FAF1: variants seen among roughly 807,000 people sequenced by gnomAD.
FAF1 encodes the protein Fas associated factor 1.
FAF1 carries 25 observed loss-of-function variants against 92.5 expected under a neutral mutation model. The ratio of observed to expected loss-of-function variants is 0.27; its 90% CI spans 0.20 to 0.38. The LOEUF is 0.38. FAF1 is among the 10% of genes least tolerant of loss of function. FAF1 has a pLI of 1.00. For synonymous variants in FAF1, 234 were observed against 273.2 expected (o/e 0.86, Z 1.42); for missense variants, 636 against 793.3 (o/e 0.80, Z 2.38).
chr1:50,709,080 A>G (rs1254897345), intron 6 of FAF1, among the ~76,000 whole-genome samples: 1 of 152,224 alleles, frequency 6.6e-6, no homozygotes, highest in African/African-American at 2.4e-5. Context: ...TCAAAGGTAG[A>G]TCTATTGTAC....
At chr1:50,639,005 AC>A (rs1325735242) in intron 8 of FAF1, among the ~76,000 whole-genome samples, 1 of 152,090 alleles carries the variant, frequency 6.6e-6, no homozygotes, top group African/African-American at 2.4e-5. Flanking sequence ...CTCCTTGGCA[AC>A]CCACTGACTG....
At chr1:50,576,237 A>G (rs1263093992) in intron 12 of FAF1, among the ~76,000 whole-genome samples, 4 of 152,306 alleles carry the variant, frequency 2.6e-5, no homozygotes, top group African/African-American at 7.2e-5. Context: ...TAAAGTAAAT[A>G]CTATCATCAT....
intron 3 of FAF1, among the ~76,000 whole-genome samples, chr1:50,797,795 C>T (rs961145107): frequency 4.6e-5 from 7 of 152,124 alleles, no homozygotes; most frequent in African/African-American, 1.7e-4. Context: ...TGCTTGAGCT[C>T]AGGAGGAGTT....
At chr1:50,888,074 T>C (rs563862572) in intron 1 of FAF1, among the ~76,000 whole-genome samples, 1 of 152,358 alleles carries the variant, frequency 6.6e-6, no homozygotes, top group South Asian at 2.1e-4. Flanking sequence ...TTTGTAGTTC[T>C]CCTTGAAGAG....
chr1:50,866,030 C>T (rs1056877605), intron 1 of FAF1, among the ~76,000 whole-genome samples: 5 of 151,946 alleles, frequency 3.3e-5, no homozygotes, highest in African/African-American at 1.2e-4. Context: ...ACCAGGGATG[C>T]CAGGATGGTT....
At chr1:50,802,631 C>T (rs1404203340) in intron 2 of FAF1, among the ~76,000 whole-genome samples, 3 of 152,140 alleles carry the variant, frequency 2.0e-5, no homozygotes, top group South Asian at 2.1e-4. Context: ...AGCAGGCTGT[C>T]GAATCCTGGA....
At chr1:50,747,831 T>A (rs960433831) in intron 4 of FAF1, among the ~76,000 whole-genome samples, 3 of 152,156 alleles carry the variant, frequency 2.0e-5, no homozygotes, top group Admixed American at 6.5e-5. Context: ...TGTGATACAG[T>A]TCTCGTGAGA....
chr1:50,830,658 ATTT>A lies in FAF1; in HGVS notation c.114+27268_114+27270del, dbSNP rs59396661. Among the ~76,000 whole-genome samples the A allele has an allele frequency of 2.0e-3, 282 of 143,830 alleles. 1 individual carries two copies. The highest frequency in any genetic ancestry group is 6.5e-3 in the African/African-American group (257 of 39,646). The allele number at this position is 143,830 out of a possible 152,430, so 94.4% of individuals were successfully genotyped here. A position where few individuals can be genotyped will look rare whatever the true frequency, so the allele number is the denominator to read the frequency against. On this transcript the variant is annotated intron_variant, in intron 2 of 18. Transcript: ENST00000396153. The stretch of plus-strand genomic sequence containing the variant: ...ATACTGTGGCTTCCTCCAGTGCTCA[ATTT>A]TTTTTTTTTTTTTACCAACTCCAAT...
intron 2 of FAF1, among the ~76,000 whole-genome samples, chr1:50,826,269 A>C (rs1411502891): frequency 6.6e-6 from 1 of 152,200 alleles, no homozygotes; most frequent in East Asian, 1.9e-4. Context: ...TGGATCTTTA[A>C]GCTGGGCACA....
chr1:50,781,080 C>A (rs1005642839), intron 4 of FAF1: 5 of 389,024 alleles, frequency 1.3e-5, no homozygotes, highest in Non-Finnish European at 2.5e-5. Context: ...ACATTGAGTA[C>A]CAGCTCTCAC....
At chr1:50,951,438 C>T (rs1645213723) in intron 1 of FAF1, among the ~76,000 whole-genome samples, 1 of 152,142 alleles carries the variant, frequency 6.6e-6, no homozygotes, top group African/African-American at 2.4e-5. Context: ...CTATGTCAGA[C>T]ACCTTTTCTA....
rs188763859 is a variant in FAF1 at position 50,745,642 on chromosome 1, A to G, written c.368-867T>C. ...GCCTGCTCCCACTTTGCCTTCTGCC[A>G]TGAGTAAAAGCTCCCTGGGCCTCCT... On this transcript the variant is annotated intron_variant, in intron 4 of 18. Coordinates refer to ENST00000396153, the MANE Select transcript of FAF1 (RefSeq NM_007051.3). 2.3e-3 allele frequency among the ~76,000 whole-genome samples: 354 copies of G among 152,272 alleles called. 1 individual carries two copies. The highest frequency in any genetic ancestry group is 8.3e-3 in the African/African-American group (345 of 41,558).
At chr1:50,540,911 T>C (rs1648730017) in intron 13 of FAF1, among the ~76,000 whole-genome samples, 1 of 152,228 alleles carries the variant, frequency 6.6e-6, no homozygotes, top group Non-Finnish European at 1.5e-5. Flanking sequence ...ATTATGTTCA[T>C]GAAAGGCAAC....
chr1:50,450,790 C>T (rs1236187996), intron 18 of FAF1, among the ~76,000 whole-genome samples: 1 of 152,144 alleles, frequency 6.6e-6, no homozygotes, highest in Admixed American at 6.5e-5. Context: ...AAGTCCTTTG[C>T]AACATAAGGG....
At chr1:50,907,186 T>C (rs1191075502) in intron 1 of FAF1, among the ~76,000 whole-genome samples, 2 of 152,242 alleles carry the variant, frequency 1.3e-5, no homozygotes, top group Non-Finnish European at 2.9e-5. Flanking sequence ...TTACGTTTAT[T>C]GATTTGCGTA....
intron 1 of FAF1, among the ~76,000 whole-genome samples, chr1:50,914,821 A>C (rs959598092): frequency 1.3e-5 from 2 of 152,088 alleles, no homozygotes; most frequent in Non-Finnish European, 2.9e-5. Context: ...CTTTCATCTC[A>C]TTCCCTAGAT....
At chr1:50,938,110 A>C (rs1169424823) in intron 1 of FAF1, among the ~76,000 whole-genome samples, 1 of 152,172 alleles carries the variant, frequency 6.6e-6, no homozygotes, top group Non-Finnish European at 1.5e-5. Context: ...TCTGACCACA[A>C]TGCCAACCAT....
chr1:50,875,110 T>A (rs534785172), intron 1 of FAF1, among the ~76,000 whole-genome samples: 2 of 152,212 alleles, frequency 1.3e-5, no homozygotes, highest in African/African-American at 4.8e-5. Flanking sequence ...TGAATTTTTT[T>A]GTTTTTCAAA....
chr1:50,898,217 T>C (rs972513961), intron 1 of FAF1, among the ~76,000 whole-genome samples: 3 of 152,090 alleles, frequency 2.0e-5, no homozygotes, highest in Admixed American at 6.6e-5. Flanking sequence ...GATGGGAGGA[T>C]CACTTGAGCT....
Sources: allele counts gnomAD v4.1 joint callset (sites outside exome capture counted in the v4.1 genomes callset), GRCh38; gene constraint gnomAD v4.1.1; transcripts MANE v1.5; gene names NCBI Gene and HGNC (gene_info 2026-07-23, HGNC 2026-07-21).